TENM3: variants seen among roughly 807,000 people sequenced by gnomAD.
TENM3 encodes the protein teneurin-3.
TENM3 carries 63 observed loss-of-function variants against 255.1 expected under a neutral mutation model. The observed-to-expected ratio is 0.25, with a 90% CI of 0.20 to 0.30. The LOEUF (loss-of-function observed/expected upper bound fraction) is 0.30. Among genes scored for constraint, TENM3 ranks in the 10% least tolerant of loss-of-function variants. TENM3 has a pLI of 1.00. For synonymous variants in TENM3, 1,306 were observed against 1,322.3 expected (o/e 0.99, Z 0.27); for missense variants, 2,929 against 3,461.1 (o/e 0.85, Z 3.86).
chr4:182,781,275 G>A (rs1004480301), intron 24 of TENM3, among the ~76,000 whole-genome samples: 1 of 148,398 alleles, frequency 6.7e-6, no homozygotes, highest in Non-Finnish European at 1.5e-5. Context: ...AAGGGTTGTT[G>A]AATTTTGTCA....
the TENM3 span, among the ~76,000 whole-genome samples, chr4:181,735,735 A>G: frequency 6.6e-6 from 1 of 152,130 alleles, no homozygotes; most frequent in Non-Finnish European, 1.5e-5. Flanking sequence ...TCTAGTAGAC[A>G]CTAGAGCAAG....
chr4:182,611,550 A>ATTACATTT (rs1002540083), intron 4 of TENM3, among the ~76,000 whole-genome samples: 1 of 152,176 alleles, frequency 6.6e-6, no homozygotes, highest in African/African-American at 2.4e-5. Flanking sequence ...ATCAGTAGCT[A>ATTACATTT]TTACATTTTT....
At chr4:182,228,396 A>G (rs202144671) in intron 1 of TENM3, among the ~76,000 whole-genome samples, 5,733 of 128,608 alleles carry the variant, frequency 0.045, 402 homozygotes, top group Middle Eastern at 0.096. Flanking sequence ...GTGTGTGTAT[A>G]TGTAATCCCT....
At chr4:182,500,830 A>C (rs28488114) in intron 3 of TENM3, among the ~76,000 whole-genome samples, 1,658 of 152,264 alleles carry the variant, frequency 0.011, 31 homozygotes, top group African/African-American at 0.038. Context: ...GAAAGTTCTG[A>C]TATAGATTTA....
At chr4:181,963,231 T>G in the TENM3 span, among the ~76,000 whole-genome samples, 1 of 152,138 alleles carries the variant, frequency 6.6e-6, no homozygotes, top group Admixed American at 6.5e-5. Flanking sequence ...ACAAATAAAA[T>G]TCAAAATAAT....
chr4:181,655,406 A>G, the TENM3 span, among the ~76,000 whole-genome samples: 1 of 152,192 alleles, frequency 6.6e-6, no homozygotes, highest in South Asian at 2.1e-4. Context: ...GCTGCATTTG[A>G]ATTGACTCTG....
At chr4:181,864,432 A>G in the TENM3 span, among the ~76,000 whole-genome samples, 2 of 151,402 alleles carry the variant, frequency 1.3e-5, no homozygotes, top group Non-Finnish European at 2.9e-5. Flanking sequence ...AGGAGACAAA[A>G]AGAGAGAGAG....
At chr4:182,271,201 T>A (rs1250577819) in intron 1 of TENM3, among the ~76,000 whole-genome samples, 1 of 152,180 alleles carries the variant, frequency 6.6e-6, no homozygotes, top group East Asian at 1.9e-4. Context: ...ATTCAATCTT[T>A]GTAACCAGCT....
intron 22 of TENM3, among the ~76,000 whole-genome samples, chr4:182,762,174 T>G (rs62336277): frequency 0.067 from 10,146 of 152,106 alleles, 359 homozygotes; most frequent in Middle Eastern, 0.1. Flanking sequence ...GTCCCTGGAG[T>G]GTGTTGATAG....
At chr4:181,982,601 T>C in the TENM3 span, among the ~76,000 whole-genome samples, 1 of 152,144 alleles carries the variant, frequency 6.6e-6, no homozygotes, top group Non-Finnish European at 1.5e-5. Context: ...CTAAATTGCA[T>C]ACTCGAAGCC....
At chr4:181,983,700 A>G in the TENM3 span, among the ~76,000 whole-genome samples, 2 of 152,228 alleles carry the variant, frequency 1.3e-5, no homozygotes, top group African/African-American at 4.8e-5. Context: ...GATGCAATCT[A>G]CTTCCATTTA....
chr4:182,014,073 CAT>C, the TENM3 span, among the ~76,000 whole-genome samples: 1 of 79,532 alleles, frequency 1.3e-5, no homozygotes, highest in African/African-American at 4.7e-5. Flanking sequence ...CGTATATACA[CAT>C]ATATACGTAT....
rs755145659 is a variant in TENM3 at position 182,755,193 on chromosome 4, C to G, written c.4826C>G (p.Thr1609Ser). 6.2e-7 allele frequency: 1 copy of G among 1,612,776 alleles called. No homozygotes were observed. The highest frequency in any genetic ancestry group is 1.3e-5 in the African/African-American group (1 of 75,048). Residue 1609 changes from threonine to serine, a missense_variant, in exon 22 of 28, where the codon ACT (threonine) becomes AGT (serine). By Grantham distance (58) the Thr-to-Ser change is moderately conservative (BLOSUM62 1). This residue lies in a region of TENM3 where 1,608 missense variants were observed against 1,884.4 expected (regional missense o/e 0.85). Coordinates refer to ENST00000511685, the MANE Select transcript of TENM3 (RefSeq NM_001080477.4). ...TAQGLELVLF[T>S]YHGNSGLLAT... ...CAAGGACTGGAATTAGTTTTGTTTA[C>G]TTACCATGGCAATAGTGGCCTTTTA...
At chr4:182,654,263 CTG>C (rs1296454462) in intron 6 of TENM3, among the ~76,000 whole-genome samples, 1 of 152,086 alleles carries the variant, frequency 6.6e-6, no homozygotes, top group African/African-American at 2.4e-5. Flanking sequence ...AGTTGGAACA[CTG>C]TATTAATTTT....
chr4:181,990,013 C>G, the TENM3 span, among the ~76,000 whole-genome samples: 1 of 152,062 alleles, frequency 6.6e-6, no homozygotes, highest in Admixed American at 6.6e-5. Context: ...ACCAAATTAT[C>G]TATATTTTCA....
chr4:181,729,852 A>T, the TENM3 span, among the ~76,000 whole-genome samples: 6 of 152,232 alleles, frequency 3.9e-5, no homozygotes, highest in African/African-American at 1.4e-4. Context: ...GACTGTTCAC[A>T]TTCCATTAGA....
At chr4:182,638,393 C>A (rs908096312) in intron 5 of TENM3, among the ~76,000 whole-genome samples, 10 of 152,046 alleles carry the variant, frequency 6.6e-5, no homozygotes, top group African/African-American at 2.4e-4. Context: ...TGGAGATAAG[C>A]GTCATGTTGC....
the TENM3 span, among the ~76,000 whole-genome samples, chr4:181,933,415 A>G: frequency 2.0e-5 from 3 of 152,314 alleles, no homozygotes; most frequent in Admixed American, 6.5e-5. Flanking sequence ...AACTAGGTCC[A>G]TTACACCAAT....
the TENM3 span, among the ~76,000 whole-genome samples, chr4:181,589,881 G>A: frequency 2.0e-5 from 3 of 152,176 alleles, no homozygotes; most frequent in South Asian, 2.1e-4. Context: ...TTCTAGTATC[G>A]AGAGGACATC....
Sources: gnomAD v4.1 joint callset for allele counts (sites outside exome capture counted in the v4.1 genomes callset) on GRCh38, gnomAD v4.1.1 for gene constraint, gnomAD v4.1.1 regional missense constraint, MANE v1.5 for transcripts, NCBI Gene and HGNC (gene_info 2026-07-23, HGNC 2026-07-21) for gene names.